Variants in NQO2 observed in about 807,000 individuals in gnomAD.
NQO2 encodes the protein N-ribosyldihydronicotinamide:quinone dehydrogenase 2, also known as ribosyldihydronicotinamide dehydrogenase [quinone].
NQO2 carries 18 observed loss-of-function variants against 22.0 expected under a neutral mutation model. That is an observed-to-expected ratio of 0.82 (90% CI 0.56 to 1.21). NQO2 has a LOEUF of 1.21. Among genes scored for constraint, NQO2 ranks in the 50% most tolerant of loss-of-function variants. The pLI, the probability that NQO2 is intolerant of heterozygous loss-of-function variation, is 0.00. For synonymous variants in NQO2, 106 were observed against 110.8 expected (o/e 0.96, Z 0.28); for missense variants, 267 against 286.9 (o/e 0.93, Z 0.50).
intron 2 of NQO2, among the ~76,000 whole-genome samples, chr6:3,007,155 T>G (rs1756979476): frequency 6.6e-6 from 1 of 152,078 alleles, no homozygotes; most frequent in Non-Finnish European, 1.5e-5. Context: ...AATCCTATGT[T>G]TTGGGGGGTC....
rs946928039 is a variant in NQO2, at chr6:3,006,951, G to A, written c.7+392G>A. ...GGCATCTTGGGTAAAAATTCAGTACGATTCTATCTTTGCTTTTGCAACTGC... is the reference window on the plus strand; with the variant it reads ...GGCATCTTGGGTAAAAATTCAGTACAATTCTATCTTTGCTTTTGCAACTGC... On this transcript the variant is annotated intron_variant, in intron 2 of 6. Transcript: ENST00000380455. This position sits in a 1 kb window ranked among gnomAD's most constrained non-coding sequence, Gnocchi z 4.0. 2.0e-5 allele frequency: 8 copies of A among 405,586 alleles called. No individual in the cohort carries two copies. Among genetic ancestry groups the A allele is most frequent in the Admixed American group, 4.2e-5 (1 of 23,616 alleles). The allele number at this position is 405,586 out of a possible 1,614,324, so 25.1% of individuals were successfully genotyped here. A position where few individuals can be genotyped will look rare whatever the true frequency, so the allele number is the denominator to read the frequency against.
intron 2 of NQO2, among the ~76,000 whole-genome samples, chr6:3,009,683 T>G (rs961484935): frequency 6.6e-6 from 1 of 152,186 alleles, no homozygotes; most frequent in South Asian, 2.1e-4. Flanking sequence ...TTTATATTCT[T>G]CTGCCATGGC....
At chr6:3,017,211 G>GA (rs1757361008) in intron 6 of NQO2, among the ~76,000 whole-genome samples, 1 of 152,214 alleles carries the variant, frequency 6.6e-6, no homozygotes, top group Non-Finnish European at 1.5e-5. Context: ...TGACAGATTT[G>GA]AAAAGCTTGA....
At chr6:3,010,770 T>A (rs73718701) in intron 3 of NQO2, among the ~76,000 whole-genome samples, 5,675 of 152,094 alleles carry the variant, frequency 0.037, 121 homozygotes, top group African/African-American at 0.055. Context: ...CTGTAGGAGG[T>A]ACATTCTGCA....
chr6:3,010,361 T>C (rs984529669), intron 3 of NQO2, among the ~76,000 whole-genome samples, 172 bp downstream of exon 3: 1 of 151,806 alleles, frequency 6.6e-6, no homozygotes, highest in East Asian at 1.9e-4. Context: ...AAGTCAAATA[T>C]GAAGATGAAA....
chr6:3,004,533 C>G (rs956609954), intron 1 of NQO2: 78 of 985,486 alleles, frequency 7.9e-5, no homozygotes, highest in Non-Finnish European at 8.8e-5. Flanking sequence ...TCAGCACCCA[C>G]CTCACTTCTT....
chr6:3,010,761 T>A (rs1363899175), intron 3 of NQO2, among the ~76,000 whole-genome samples: 1 of 152,172 alleles, frequency 6.6e-6, no homozygotes, highest in African/African-American at 2.4e-5. Flanking sequence ...AGCACCACAC[T>A]GTAGGAGGTA....
chr6:3,014,748 T>C (rs1757265951), intron 4 of NQO2, among the ~76,000 whole-genome samples: 1 of 152,216 alleles, frequency 6.6e-6, no homozygotes, highest in Non-Finnish European at 1.5e-5. Flanking sequence ...CACTGAGCAT[T>C]GATTCTGTTT....
chr6:3,015,923 G>A (rs1388762215), intron 5 of NQO2, among the ~76,000 whole-genome samples: 1 of 152,142 alleles, frequency 6.6e-6, no homozygotes, highest in Non-Finnish European at 1.5e-5. Flanking sequence ...GGGGACCTGG[G>A]CAACCTTATG....
intron 6 of NQO2, among the ~76,000 whole-genome samples, chr6:3,019,051 A>G (rs572603512): frequency 6.6e-6 from 1 of 152,314 alleles, no homozygotes; most frequent in Non-Finnish European, 1.5e-5. Context: ...ATGGTATATC[A>G]TAAATACGGC....
At chr6:3,005,865 C>A in intron 1 of NQO2, 1 of 938,736 alleles carries the variant, frequency 1.1e-6, no homozygotes, top group Non-Finnish European at 1.3e-6. Context: ...GAGGGATGTG[C>A]TGCAGGGCCC....
intron 4 of NQO2, chr6:3,015,147 C>G: frequency 7.7e-7 from 1 of 1,302,038 alleles, no homozygotes; most frequent in Non-Finnish European, 1.0e-6. Context: ...CTTCCAGATG[C>G]TAACAACACA....
In NQO2 at chr6:3,019,618, C is replaced by CCAT. The variant is rs1396565507; in HGVS notation, c.661_663dup (p.Ile221dup). 1.2e-6 allele frequency: 2 copies of CCAT among 1,613,844 alleles called. No individual in the cohort carries two copies. On this transcript the variant is annotated inframe_insertion, in exon 7 of 7. Transcript: ENST00000380455. The stretch of plus-strand genomic sequence containing the variant: ...CTGCAGACCATCTGGAAGGAAGAGC[C>CCAT]CATCCCCTGCACAGCCCACTGGCAC...
chr6:3,018,254 T>C (rs28383647), intron 6 of NQO2, among the ~76,000 whole-genome samples: 8,836 of 152,264 alleles, frequency 0.058, 423 homozygotes, highest in African/African-American at 0.13. Context: ...CGCCTGTAAT[T>C]CCAGCACTCT....
intron 6 of NQO2, among the ~76,000 whole-genome samples, chr6:3,019,048 A>G (rs1039877706): frequency 3.9e-5 from 6 of 152,206 alleles, no homozygotes; most frequent in Non-Finnish European, 8.8e-5. Flanking sequence ...TGAATGGTAT[A>G]TCATAAATAC....
At chr6:3,009,111 G>A (rs1433598501) in intron 2 of NQO2, among the ~76,000 whole-genome samples, 20 of 152,262 alleles carry the variant, frequency 1.3e-4, no homozygotes, top group African/African-American at 3.6e-4. Context: ...GGAGCGCTAC[G>A]GGAGACTGGG....
At chr6:3,007,635 C>T (rs1274931318) in intron 2 of NQO2, among the ~76,000 whole-genome samples, 1 of 152,234 alleles carries the variant, frequency 6.6e-6, no homozygotes, top group East Asian at 1.9e-4. Context: ...AGCCTGGAGA[C>T]TCTTTCCAAT....
rs941313676 is a variant in NQO2, at chr6:3,012,766, G to A, written c.303+92G>A. On this transcript the variant is annotated intron_variant, in intron 4 of 6. Coordinates refer to ENST00000380455, the MANE Select transcript of NQO2 (RefSeq NM_000904.6). ...GAGTTTTGTGCTGCTTCTGGAAGTG[G>A]CATCAATGTTTTGAGCACAGTTGCA... 3.0e-6 allele frequency: 4 copies of A among 1,355,356 alleles called. No homozygotes were observed. In the African/African-American group the frequency reaches 4.4e-5, roughly 15 times the overall value. 84.0% of individuals were successfully genotyped at this position (1,355,356 alleles called of 1,614,324 possible).
At chr6:3,014,590 G>A (rs1374740887) in intron 4 of NQO2, among the ~76,000 whole-genome samples, 2 of 152,086 alleles carry the variant, frequency 1.3e-5, no homozygotes, top group African/African-American at 4.8e-5. Flanking sequence ...CCTTTCTTTT[G>A]TTTCACTTCA....
Sources: gnomAD v4.1 joint callset for allele counts (sites outside exome capture counted in the v4.1 genomes callset) on GRCh38, gnomAD v4.1.1 for gene constraint, Gnocchi (gnomAD v3.1) non-coding constraint, MANE v1.5 for transcripts, NCBI Gene and HGNC (gene_info 2026-07-23, HGNC 2026-07-21) for gene names.